SH2B1: variants seen among roughly 807,000 people sequenced by gnomAD.
The protein encoded by SH2B1 is SH2B adapter protein 1.
A neutral mutation model predicts 62.6 loss-of-function variants in SH2B1; 15 were observed. The observed-to-expected ratio is 0.24, with a 90% CI of 0.16 to 0.37. SH2B1 has a LOEUF of 0.37. Among genes scored for constraint, SH2B1 ranks in the 10% least tolerant of loss-of-function variants. SH2B1 has a pLI of 1.00. For missense variants in SH2B1, 925 were observed against 1,015.6 expected, an observed-to-expected ratio of 0.91 and a Z score of 1.21; for synonymous variants, 443 against 438.0, an observed-to-expected ratio of 1.01 and a Z score of -0.14.
rs1962905600 is a variant in SH2B1 at position 28,869,340 on chromosome 16, CCTGCTG to C, written c.1269_1274del (p.Leu424_Leu425del). ...ACTCGGAGAGTCTACCCAGCCAGGACCTGCTGCTTGGACCCAGCGAGAGCAATGACC... is the reference window on the plus strand; with the variant it reads ...ACTCGGAGAGTCTACCCAGCCAGGACCTTGGACCCAGCGAGAGCAATGACC... On this transcript the variant is annotated inframe_deletion, in exon 4 of 8. Coordinates refer to ENST00000684370, the MANE Select transcript of SH2B1 (RefSeq NM_001387430.1). The C allele has an allele frequency of 1.2e-6, 2 of 1,614,010 alleles. No individual in the cohort carries two copies. The highest frequency in any genetic ancestry group is 2.7e-5 in the African/African-American group (2 of 74,920).
chr16:28,864,151 G>A lies in SH2B1; in HGVS notation c.-1944G>A. 1 of 1,168,766 alleles carries A rather than the reference G, an allele frequency of 8.6e-7. No homozygotes were observed. The highest frequency in any genetic ancestry group is 1.1e-6 in the Non-Finnish European group (1 of 940,118). 72.4% of individuals were successfully genotyped at this position (1,168,766 alleles called of 1,614,324 possible). A position where few individuals can be genotyped will look rare whatever the true frequency, so the allele number is the denominator to read the frequency against. On this transcript the variant is annotated 5_prime_UTR_variant, in exon 1 of 8. Transcript: ENST00000684370. ...TGGGCGGCTGGGGGGTGTCCAGGGA[G>A]TAGGGTCGGATCGGAGTATATGGAC...
chr16:28,855,468 G>A lies in SH2B1; in HGVS notation c.-300-6150G>A, dbSNP rs952693267. 1.2e-4 allele frequency among the ~76,000 whole-genome samples: 19 copies of A among 152,122 alleles called. No homozygotes were observed. In the East Asian group the frequency reaches 1.4e-3, roughly 11 times the overall value. ...ACTCCTGGCCTCGAGTGATCTGCCC[G>A]TCTCTGCCTCCCAAATTGCTGGGAG... On this transcript the variant is annotated intron_variant, in intron 1 of 10. Transcript: ENST00000322610.
intron 1 of SH2B1, among the ~76,000 whole-genome samples, chr16:28,848,461 A>G (rs945142758): frequency 6.6e-6 from 1 of 151,996 alleles, no homozygotes; most frequent in African/African-American, 2.4e-5. Context: ...TTTTTTTCAA[A>G]TGAAAACTCA....
chr16:28,852,169 C>T (rs186417313), intron 1 of SH2B1, among the ~76,000 whole-genome samples: 23 of 141,432 alleles, frequency 1.6e-4, no homozygotes, highest in African/African-American at 5.2e-4. Flanking sequence ...AGCAAGACTC[C>T]GTATCCAAAA....
In SH2B1 at chr16:28,848,003, T is replaced by G. The variant is rs1287982123; in HGVS notation, c.-301+1176T>G. Among the ~76,000 whole-genome samples, 4 of 151,864 alleles carry G rather than the reference T, an allele frequency of 2.6e-5. No homozygotes were observed. The East Asian group carries it at 5.9e-4, about 22-fold the overall frequency. On this transcript the variant is annotated intron_variant, in intron 1 of 10. Transcript: ENST00000322610. Reference sequence around the variant, plus strand: ...ACCACGCCTGGCTAATTTTAGTATTTTTAGTACAGATGGGGTTTCACCTCG... The same window carrying G: ...ACCACGCCTGGCTAATTTTAGTATTGTTAGTACAGATGGGGTTTCACCTCG...
chr16:28,872,889 A>G lies in SH2B1; in HGVS notation c.1897+184A>G. 1.2e-6 allele frequency: 1 copy of G among 823,598 alleles called. No homozygotes were observed. Among genetic ancestry groups the G allele is most frequent in the Non-Finnish European group, 1.9e-6 (1 of 518,768 alleles). 51.0% of individuals were successfully genotyped at this position (823,598 alleles called of 1,614,324 possible). On this transcript the variant is annotated intron_variant, in intron 7 of 7. Transcript: ENST00000684370. The surrounding 1 kb of genome is among the most constrained non-coding windows in gnomAD (Gnocchi z 5.3). ...GGAAAGAAATGCGCTGATAGGACACAGGAAGGCAGAAGGCTCCTGGCCGGA... is the reference window on the plus strand; with the variant it reads ...GGAAAGAAATGCGCTGATAGGACACGGGAAGGCAGAAGGCTCCTGGCCGGA...
chr16:28,851,769 A>T (rs545148391), intron 1 of SH2B1, among the ~76,000 whole-genome samples: 52 of 148,250 alleles, frequency 3.5e-4, no homozygotes, highest in Middle Eastern at 3.4e-3. Flanking sequence ...GGCCTTTTTT[A>T]AAAAAAATAC....
intron 1 of SH2B1, among the ~76,000 whole-genome samples, chr16:28,855,900 C>T (rs1384839507): frequency 1.4e-5 from 2 of 144,774 alleles, no homozygotes; most frequent in East Asian, 2.2e-4. Flanking sequence ...CGTGATCCGC[C>T]GACCTCGTGA....
chr16:28,857,820 A>C (rs1201495996), intron 1 of SH2B1, among the ~76,000 whole-genome samples: 1 of 151,580 alleles, frequency 6.6e-6, no homozygotes, highest in East Asian at 1.9e-4. Flanking sequence ...GCTCACTGCA[A>C]GCTCCGCCTC....
In SH2B1 at chr16:28,852,982, T is replaced by A. The variant is rs1400013754; in HGVS notation, c.-301+6155T>A. Reference sequence around the variant, plus strand: ...ATGTACATATATATGTACATATATATTTTATATGTACATATATATGTACAT... The same window carrying A: ...ATGTACATATATATGTACATATATAATTTATATGTACATATATATGTACAT... On this transcript the variant is annotated intron_variant, in intron 1 of 10. Coordinates refer to the SH2B1 transcript ENST00000322610. Among the ~76,000 whole-genome samples the A allele has an allele frequency of 5.3e-4, 35 of 65,902 alleles. 4 individuals are homozygous for A. The highest frequency in any genetic ancestry group is 4.8e-4 in the Admixed American group (2 of 4,142). The allele number at this position is 65,902 out of a possible 152,430, so 43.2% of individuals were successfully genotyped here. A position where few individuals can be genotyped will look rare whatever the true frequency, so the allele number is the denominator to read the frequency against.
chr16:28,851,710 G>A (rs1596608850), intron 1 of SH2B1, among the ~76,000 whole-genome samples: 3 of 149,626 alleles, frequency 2.0e-5, no homozygotes, highest in Admixed American at 6.7e-5. Flanking sequence ...TGATCCACCC[G>A]CCTCAGCCTC....
chr16:28,852,832 A>ATATATTTACATATATATTTT (rs1962194306), intron 1 of SH2B1, among the ~76,000 whole-genome samples: 3 of 76,088 alleles, frequency 3.9e-5, no homozygotes, highest in African/African-American at 1.6e-4. Context: ...ATATATTTAT[A>ATATATTTACATATATATTTT]TATATATACA....
chr16:28,851,270 CT>C (rs1387448840), intron 1 of SH2B1, among the ~76,000 whole-genome samples: 1 of 151,856 alleles, frequency 6.6e-6, no homozygotes, highest in Non-Finnish European at 1.5e-5. Flanking sequence ...CTGTTCTCCC[CT>C]CCCCTCTCCC....
At chr16:28,855,023 C>T (rs748569467) in intron 1 of SH2B1, among the ~76,000 whole-genome samples, 1 of 150,798 alleles carries the variant, frequency 6.6e-6, no homozygotes, top group East Asian at 2.0e-4. Flanking sequence ...TTACAGATGA[C>T]CACTACCACA....
rs370837963 is a variant in SH2B1, at chr16:28,851,172, C to CAA, written c.-301+4349_-301+4350dup. Among the ~76,000 whole-genome samples the CAA allele has an allele frequency of 1.6e-3, 210 of 130,040 alleles. 3 individuals carry two copies. The highest frequency in any genetic ancestry group is 0.013 in the South Asian group (53 of 4,122). The allele number at this position is 130,040 out of a possible 152,430, so 85.3% of individuals were successfully genotyped here. On this transcript the variant is annotated intron_variant, in intron 1 of 10. Transcript: ENST00000322610. ...CTGCCGACAGAGCAAGACTCTGTCT[C>CAA]AAAAAGAAAAAAAAAAAAACCAACC...
chr16:28,847,904 C>A (rs1450517827), intron 1 of SH2B1, among the ~76,000 whole-genome samples: 1 of 146,278 alleles, frequency 6.8e-6, no homozygotes, highest in African/African-American at 2.6e-5. Flanking sequence ...CGGCTCACTG[C>A]AACCTCCACC....
chr16:28,868,964 C>T, intron 2 of SH2B1, 42 bp from the exon 3 acceptor site: 1 of 1,483,988 alleles, frequency 6.7e-7, no homozygotes, highest in Non-Finnish European at 9.4e-7. Flanking sequence ...TAAGCCTCCT[C>T]CCTGCCCCTG....
At chr16:28,852,291 T>TATATATATTTAC (rs1962127482) in intron 1 of SH2B1, among the ~76,000 whole-genome samples, 3 of 76,234 alleles carry the variant, frequency 3.9e-5, no homozygotes, top group African/African-American at 6.2e-5. Context: ...TATATTTACA[T>TATATATATTTAC]ATATATATTT....
chr16:28,849,373 A>C (rs2152151605), intron 1 of SH2B1, among the ~76,000 whole-genome samples: 1 of 152,366 alleles, frequency 6.6e-6, no homozygotes, highest in Middle Eastern at 3.4e-3. Flanking sequence ...CTGGGATTAC[A>C]GGCATGAGCC....
Sources: allele counts gnomAD v4.1 joint callset (sites outside exome capture counted in the v4.1 genomes callset), GRCh38; gene constraint gnomAD v4.1.1; non-coding constraint Gnocchi (gnomAD v3.1); transcripts MANE v1.5; gene names NCBI Gene and HGNC (gene_info 2026-07-23, HGNC 2026-07-21).